Variants in OR1J2 observed in about 807,000 individuals in gnomAD.
OR1J2 encodes olfactory receptor 1J2.
For synonymous variants in OR1J2, 142 were observed against 99.7 expected, an observed-to-expected ratio of 1.42 and a Z score of -2.52; for missense variants, 304 against 246.1, an observed-to-expected ratio of 1.24 and a Z score of -1.57.
the OR1J2 span, among the ~76,000 whole-genome samples, chr9:122,451,098 T>A: frequency 6.6e-6 from 1 of 151,196 alleles, no homozygotes; most frequent in African/African-American, 2.4e-5. Flanking sequence ...ATTTCTGATA[T>A]ATCTTTTTTA....
the OR1J2 span, among the ~76,000 whole-genome samples, chr9:122,452,245 ATTGGTAGAGT>A: frequency 1.3e-5 from 2 of 152,158 alleles, no homozygotes; most frequent in Non-Finnish European, 2.9e-5. Flanking sequence ...TCTGTCCACA[ATTGGTAGAGT>A]TTGAGCCGGT....
chr9:122,537,089 T>C, the OR1J2 span, among the ~76,000 whole-genome samples: 1 of 152,228 alleles, frequency 6.6e-6, no homozygotes, highest in South Asian at 2.1e-4. Context: ...AGCAAGCTAC[T>C]GCCTTAAAAT....
At chr9:122,455,181 T>G in the OR1J2 span, among the ~76,000 whole-genome samples, 1 of 152,248 alleles carries the variant, frequency 6.6e-6, no homozygotes, top group South Asian at 2.1e-4. Context: ...GTACGAACAT[T>G]TGGATGCAAG....
the OR1J2 span, among the ~76,000 whole-genome samples, chr9:122,503,961 C>G: frequency 3.9e-5 from 6 of 152,096 alleles, no homozygotes; most frequent in East Asian, 1.2e-3. Flanking sequence ...AAGCCCAGGA[C>G]TTTTTGTCTC....
the OR1J2 span, among the ~76,000 whole-genome samples, chr9:122,563,760 T>C: frequency 6.6e-6 from 1 of 152,242 alleles, no homozygotes; most frequent in Non-Finnish European, 1.5e-5. Flanking sequence ...TACAGTCAAG[T>C]TGTTAATTTC....
chr9:122,530,418 C>A, the OR1J2 span, among the ~76,000 whole-genome samples: 1 of 152,332 alleles, frequency 6.6e-6, no homozygotes, highest in African/African-American at 2.4e-5. Context: ...ACACTTGGGG[C>A]ATCTACAGAT....
the OR1J2 span, among the ~76,000 whole-genome samples, chr9:122,476,800 G>T: frequency 2.6e-5 from 4 of 152,040 alleles, no homozygotes; most frequent in Non-Finnish European, 5.9e-5. Flanking sequence ...CCGCCTCCTG[G>T]GTTCAAGTGA....
chr9:122,485,895 A>G, the OR1J2 span, among the ~76,000 whole-genome samples: 1 of 152,152 alleles, frequency 6.6e-6, no homozygotes, highest in Non-Finnish European at 1.5e-5. Flanking sequence ...ATTGTTAAGA[A>G]ATCTGATGTA....
At chr9:122,549,153 C>T in the OR1J2 span, among the ~76,000 whole-genome samples, 3 of 151,932 alleles carry the variant, frequency 2.0e-5, no homozygotes, top group Non-Finnish European at 2.9e-5. Flanking sequence ...GTCATGAGGG[C>T]GGATCCCTCA....
chr9:122,503,031 A>C, the OR1J2 span, among the ~76,000 whole-genome samples: 1 of 152,194 alleles, frequency 6.6e-6, no homozygotes, highest in Admixed American at 6.5e-5. Flanking sequence ...TGGTTGCCTT[A>C]GTTGATGTTT....
At chr9:122,535,824 T>A in the OR1J2 span, among the ~76,000 whole-genome samples, 5 of 152,048 alleles carry the variant, frequency 3.3e-5, no homozygotes, top group South Asian at 1.0e-3. Flanking sequence ...TGGGTGCAGG[T>A]GGGCTGAGTC....
At chr9:122,505,169 T>C in the OR1J2 span, among the ~76,000 whole-genome samples, 1 of 152,186 alleles carries the variant, frequency 6.6e-6, no homozygotes, top group Non-Finnish European at 1.5e-5. Flanking sequence ...TTATCTGTTG[T>C]TATAACTGAA....
the OR1J2 span, among the ~76,000 whole-genome samples, chr9:122,465,866 A>G: frequency 6.6e-6 from 1 of 151,942 alleles, no homozygotes; most frequent in South Asian, 2.1e-4. Context: ...AGCTCCCACT[A>G]CCCCTGAACC....
At chr9:122,550,670 A>G in the OR1J2 span, among the ~76,000 whole-genome samples, 1 of 152,138 alleles carries the variant, frequency 6.6e-6, no homozygotes. Flanking sequence ...CTCAATAGAT[A>G]TAGAAAAAGC....
the OR1J2 span, chr9:122,567,474 G>T: frequency 3.5e-6 from 4 of 1,152,776 alleles, no homozygotes; most frequent in Non-Finnish European, 5.0e-6. Flanking sequence ...AGCTTTGACT[G>T]TTCACCAGAA....
At chr9:122,519,525 C>T in the OR1J2 span, 1 of 1,614,098 alleles carries the variant, frequency 6.2e-7, no homozygotes, top group South Asian at 1.1e-5. Context: ...CATCTGTCAC[C>T]CCCTCCGCTA....
At chr9:122,563,085 G>A in the OR1J2 span, among the ~76,000 whole-genome samples, 9 of 151,972 alleles carry the variant, frequency 5.9e-5, no homozygotes, top group Non-Finnish European at 1.0e-4. Flanking sequence ...ATTTTTTGAG[G>A]AATCTTGACA....
chr9:122,570,301 G>A, the OR1J2 span, among the ~76,000 whole-genome samples: 1 of 152,088 alleles, frequency 6.6e-6, no homozygotes, highest in Non-Finnish European at 1.5e-5. Flanking sequence ...CACCAACAGT[G>A]TAAAATTGTT....
At chr9:122,547,620 AGTGTGTGTGTGTGTGTGT>A in the OR1J2 span, among the ~76,000 whole-genome samples, 1 of 142,902 alleles carries the variant, frequency 7.0e-6, no homozygotes, top group Admixed American at 7.1e-5. Flanking sequence ...GTAGTAGTTC[AGTGTGTGTGTGTGTGTGT>A]GTGTGTGTGT....
Sources: gnomAD v4.1 joint callset for allele counts (sites outside exome capture counted in the v4.1 genomes callset) on GRCh38, gnomAD v4.1.1 for gene constraint, MANE v1.5 for transcripts, NCBI Gene and HGNC (gene_info 2026-07-23, HGNC 2026-07-21) for gene names.